VPS13B: variants seen among roughly 807,000 people sequenced by gnomAD.
The protein encoded by VPS13B is intermembrane lipid transfer protein VPS13B.
VPS13B carries 285 observed loss-of-function variants against 426.4 expected under a neutral mutation model. The ratio of observed to expected loss-of-function variants is 0.67; its 90% CI spans 0.61 to 0.74. VPS13B has a LOEUF of 0.74. Among genes scored for constraint, VPS13B ranks in the 30% least tolerant of loss-of-function variants. The pLI, the probability that VPS13B is intolerant of heterozygous loss-of-function variation, is 0.00. For missense variants in VPS13B, 4,537 were observed against 4,782.6 expected (o/e 0.95, Z 1.51); for synonymous variants, 1,676 against 1,676.4 (o/e 1.00, Z 0.01).
intron 8 of VPS13B, among the ~76,000 whole-genome samples, chr8:99,133,240 G>A (rs955546320): frequency 5.9e-5 from 9 of 152,158 alleles, no homozygotes; most frequent in East Asian, 1.9e-4. Context: ...AGACGTCTTC[G>A]TTCCATAAGG....
At chr8:99,870,948 C>A (rs889163945) in intron 60 of VPS13B, 61 bp downstream of exon 60, 4 of 1,548,060 alleles carry the variant, frequency 2.6e-6, no homozygotes. Flanking sequence ...TAGCTCCTGG[C>A]TTGCTCTCAA....
At chr8:99,810,568 G>C (rs555839571) in intron 44 of VPS13B, among the ~76,000 whole-genome samples, 2 of 152,306 alleles carry the variant, frequency 1.3e-5, no homozygotes, top group African/African-American at 4.8e-5. Context: ...AATAAAAAGA[G>C]AACTCAACTC....
chr8:99,433,052 C>CA (rs1303329426), intron 22 of VPS13B, among the ~76,000 whole-genome samples: 1 of 152,156 alleles, frequency 6.6e-6, no homozygotes, highest in Non-Finnish European at 1.5e-5. Flanking sequence ...ACATACGTGT[C>CA]AATTAAGCTA....
At chr8:99,857,362 C>T (rs1053468457) in intron 56 of VPS13B, among the ~76,000 whole-genome samples, 1 of 152,150 alleles carries the variant, frequency 6.6e-6, no homozygotes, top group African/African-American at 2.4e-5. Flanking sequence ...ACATGGACTC[C>T]GTGGAGAGAT....
intron 17 of VPS13B, among the ~76,000 whole-genome samples, chr8:99,271,215 CT>C (rs1818579917): frequency 1.3e-5 from 2 of 149,792 alleles, no homozygotes; most frequent in South Asian, 4.2e-4. Flanking sequence ...ACTACTACTA[CT>C]ACTACTACTA....
rs1206513898 is a variant in VPS13B, at chr8:99,431,621, T to G, written c.3167T>G (p.Phe1056Cys). 2 of 1,613,454 alleles carry G rather than the reference T, an allele frequency of 1.2e-6. No individual in the cohort carries two copies. The highest frequency in any genetic ancestry group is 4.5e-5 in the East Asian group (2 of 44,742). Residue 1056 changes from phenylalanine (F) to cysteine (C), a missense_variant, in exon 22 of 62, where the codon TTT (phenylalanine) becomes TGT (cysteine). Coordinates refer to ENST00000357162, the MANE Select transcript of VPS13B (RefSeq NM_152564.5). ...AGTCCTGAAGAAAGAATGAAGGAAT[T>G]TATTGGAATTGTTTGGAATGCAGTG... ...CRSPEERMKEFIGIVWNAVKH... is the reference protein window; with the variant it reads ...CRSPEERMKECIGIVWNAVKH...
At chr8:99,689,344 T>G (rs1475831070) in intron 35 of VPS13B, among the ~76,000 whole-genome samples, 1 of 152,158 alleles carries the variant, frequency 6.6e-6, no homozygotes, top group Non-Finnish European at 1.5e-5. Flanking sequence ...GTCCAGGAGC[T>G]CACAGCTCAC....
At chr8:99,863,672 C>T (rs1816951236) in intron 58 of VPS13B, among the ~76,000 whole-genome samples, 2 of 152,142 alleles carry the variant, frequency 1.3e-5, no homozygotes, top group South Asian at 4.1e-4. Context: ...ACAAATCAGC[C>T]CTGATGAGGT....
intron 24 of VPS13B, among the ~76,000 whole-genome samples, chr8:99,469,764 CAG>C (rs1348930904): frequency 2.6e-5 from 4 of 152,050 alleles, no homozygotes; most frequent in Non-Finnish European, 5.9e-5. Flanking sequence ...AGGTTTGTAA[CAG>C]AAGTAAGTTA....
chr8:99,613,820 A>G (rs1827946897), intron 33 of VPS13B: 1 of 152,304 alleles, frequency 6.6e-6, no homozygotes, highest in Non-Finnish European at 1.5e-5. Flanking sequence ...AGGCTGCAGT[A>G]CAGTGACTAT....
At chr8:99,245,692 C>A (rs1309490439) in intron 17 of VPS13B, among the ~76,000 whole-genome samples, 1 of 152,178 alleles carries the variant, frequency 6.6e-6, no homozygotes, top group Non-Finnish European at 1.5e-5. Flanking sequence ...CAGGCACTCA[C>A]TACTATGTCT....
rs58393536 is a variant in VPS13B, at chr8:99,832,232, C to A, written c.9331-137C>A. ...AGCCGAGATGGTGCCACTGCACTCC[C>A]GCCTGCGTGATGGAGTGAGACTGTC... On this transcript the variant is annotated intron_variant, in intron 51 of 61. Transcript: ENST00000357162. 423,775 of 1,257,204 alleles carry A rather than the reference C, an allele frequency of 0.34. 74,735 individuals are homozygous for A. Among genetic ancestry groups the A allele is most frequent in the Admixed American group, 0.46 (16,616 of 35,930 alleles). The allele number at this position is 1,257,204 out of a possible 1,614,324, so 77.9% of individuals were successfully genotyped here.
intron 19 of VPS13B, among the ~76,000 whole-genome samples, chr8:99,302,969 G>A (rs1455001780): frequency 6.6e-6 from 1 of 151,972 alleles, no homozygotes; most frequent in African/African-American, 2.4e-5. Flanking sequence ...GAAAATGTCT[G>A]TCTTTGTTGT....
At chr8:99,199,394 A>T (rs1814160047) in intron 17 of VPS13B, among the ~76,000 whole-genome samples, 1 of 151,606 alleles carries the variant, frequency 6.6e-6, no homozygotes, top group Non-Finnish European at 1.5e-5. Flanking sequence ...GATGGTCTCG[A>T]TCTCCTGACC....
intron 35 of VPS13B, among the ~76,000 whole-genome samples, chr8:99,668,355 C>CAA (rs35852232): frequency 1.1e-4 from 10 of 94,760 alleles, no homozygotes; most frequent in Non-Finnish European, 1.5e-4. Flanking sequence ...GACCCTGTCT[C>CAA]AAAAAAAAAA....
intron 17 of VPS13B, among the ~76,000 whole-genome samples, chr8:99,199,267 C>T (rs368480592): frequency 7.2e-5 from 11 of 152,104 alleles, no homozygotes; most frequent in South Asian, 2.1e-4. Context: ...CTGCAAGCTC[C>T]GCCTCCTGGG....
At chr8:99,422,999 A>G (rs1816459104) in intron 21 of VPS13B, among the ~76,000 whole-genome samples, 1 of 152,150 alleles carries the variant, frequency 6.6e-6, no homozygotes, top group Non-Finnish European at 1.5e-5. Context: ...CTGTAATTGT[A>G]CCTCATCCTT....
Position 99,262,992 on chromosome 8 carries a change from C to T in VPS13B, c.2516-11206C>T, listed in dbSNP as rs1818127871. 2.6e-5 allele frequency among the ~76,000 whole-genome samples: 4 copies of T among 152,024 alleles called. No homozygotes were observed. The South Asian group carries it at 8.3e-4, about 32-fold the overall frequency. Reference sequence around the variant, plus strand: ...GTCCCATCATGTAGCCCAGACTTGTCTCAAACTCCTGAGCTCAAGTGATCA... The same window carrying T: ...GTCCCATCATGTAGCCCAGACTTGTTTCAAACTCCTGAGCTCAAGTGATCA... On this transcript the variant is annotated intron_variant, in intron 17 of 61. Coordinates refer to ENST00000357162, the MANE Select transcript of VPS13B (RefSeq NM_152564.5).
chr8:99,255,905 G>C (rs1003819656), intron 17 of VPS13B, among the ~76,000 whole-genome samples: 3 of 152,164 alleles, frequency 2.0e-5, no homozygotes, highest in Non-Finnish European at 4.4e-5. Context: ...CTTTAGCCTA[G>C]TCTTATTCTA....
Sources: gnomAD v4.1 joint callset for allele counts (sites outside exome capture counted in the v4.1 genomes callset) on GRCh38, gnomAD v4.1.1 for gene constraint, MANE v1.5 for transcripts, NCBI Gene and HGNC (gene_info 2026-07-23, HGNC 2026-07-21) for gene names.